The following APOBEC3F variants were observed in gnomAD, a reference collection of about 807,000 sequenced individuals.
APOBEC3F encodes the protein apolipoprotein B mRNA editing enzyme catalytic subunit 3F, also known as DNA dC->dU-editing enzyme APOBEC-3F.
In APOBEC3F, 34 loss-of-function variants were observed where a neutral mutation model predicts 45.8. The ratio of observed to expected loss-of-function variants is 0.74; its 90% CI spans 0.57 to 0.99. APOBEC3F has a LOEUF of 0.99. APOBEC3F is among the 50% of genes least tolerant of loss of function. The pLI is 0.00. For synonymous variants in APOBEC3F, 192 were observed against 174.4 expected (o/e 1.10, Z -0.80); for missense variants, 459 against 474.1 (o/e 0.97, Z 0.30).
intron 4 of APOBEC3F, among the ~76,000 whole-genome samples, chr22:39,047,666 C>T (rs1050718629): frequency 1.3e-5 from 2 of 152,030 alleles, no homozygotes; most frequent in African/African-American, 4.8e-5. Flanking sequence ...AGGCTCTTTG[C>T]CCTGCTATGT....
At chr22:39,040,999 G>A (rs200403999) in intron 1 of APOBEC3F, 22 bp downstream of exon 1, 84 of 1,580,842 alleles carry the variant, frequency 5.3e-5, no homozygotes, top group South Asian at 2.1e-4. Context: ...CGCTCTACCC[G>A]CTGGGCCCCT....
intron 4 of APOBEC3F, among the ~76,000 whole-genome samples, chr22:39,047,896 A>C (rs945418172): frequency 1.3e-5 from 2 of 152,134 alleles, no homozygotes; most frequent in Non-Finnish European, 2.9e-5. Flanking sequence ...CAGCACTTCC[A>C]TGGAATTTCT....
chr22:39,041,603 C>G (rs1459331143), intron 1 of APOBEC3F, among the ~76,000 whole-genome samples: 3 of 152,084 alleles, frequency 2.0e-5, no homozygotes, highest in African/African-American at 4.8e-5. Flanking sequence ...GTGGCTCACA[C>G]CTGTCATCCC....
intron 4 of APOBEC3F, among the ~76,000 whole-genome samples, chr22:39,047,007 C>T (rs911837374): frequency 6.6e-6 from 1 of 152,098 alleles, no homozygotes; most frequent in African/African-American, 2.4e-5. Context: ...GAGGAGCAAA[C>T]TGCAAGACAG....
chr22:39,049,164 T>C (rs984392050), intron 4 of APOBEC3F, among the ~76,000 whole-genome samples: 3 of 152,126 alleles, frequency 2.0e-5, no homozygotes, highest in Non-Finnish European at 4.4e-5. Context: ...ATTTTCCTAA[T>C]GGGTTGGGAG....
chr22:39,045,186 G>A lies in APOBEC3F; in HGVS notation c.417G>A (p.Gln139=). ...GAAGGGCGCTCTGCAGGCTGAGTCA[G>A]GCAGGGGCCCGCGTGAAGATTATGG... ...DYRRALCRLS[Q]AGARVKIMDD... Residue 139 remains glutamine (Q), a synonymous_variant, in exon 3 of 7, where the codon CAG becomes CAA. Transcript: ENST00000308521. 2 of 1,614,170 alleles carry A rather than the reference G, an allele frequency of 1.2e-6. No homozygotes were observed. The highest frequency in any genetic ancestry group is 1.7e-6 in the Non-Finnish European group (2 of 1,180,034).
intron 4 of APOBEC3F, 64 bp downstream of exon 4, chr22:39,045,606 C>A: frequency 1.2e-6 from 2 of 1,608,594 alleles, no homozygotes; most frequent in African/African-American, 1.3e-5. Flanking sequence ...CTCCTGAGGC[C>A]TCCCCTGGCC....
chr22:39,046,982 C>T (rs1475929128), intron 4 of APOBEC3F, among the ~76,000 whole-genome samples: 1 of 152,118 alleles, frequency 6.6e-6, no homozygotes, highest in Non-Finnish European at 1.5e-5. Context: ...AACTGAGCAC[C>T]TGGGTCTTAG....
At chr22:39,047,708 T>C (rs1437192054) in intron 4 of APOBEC3F, among the ~76,000 whole-genome samples, 1 of 151,716 alleles carries the variant, frequency 6.6e-6, no homozygotes, top group East Asian at 1.9e-4. Context: ...GAATGGGCCA[T>C]CTCCCCCACC....
intron 2 of APOBEC3F, chr22:39,044,438 G>T (rs918190223): frequency 1.5e-6 from 2 of 1,322,290 alleles, no homozygotes; most frequent in East Asian, 2.8e-5. Flanking sequence ...TGGCCTCTGG[G>T]AAGTCCACTG....
rs1199478467 is a variant in APOBEC3F at position 39,055,388 on chromosome 22, A to G, written c.*2693A>G. Among the ~76,000 whole-genome samples the G allele has an allele frequency of 1.5e-5, 2 of 136,166 alleles. No individual in the cohort carries two copies. Among genetic ancestry groups the G allele is most frequent in the Non-Finnish European group, 3.1e-5 (2 of 64,810 alleles). 89.3% of individuals were successfully genotyped at this position (136,166 alleles called of 152,430 possible). On this transcript the variant is annotated 3_prime_UTR_variant, in exon 7 of 7. Transcript: ENST00000308521. ...TACACAACTTTTTTTTTTTTTTGAG[A>G]TGGAGTTTCACTCTGTTGCCCAGGC...
chr22:39,048,056 C>T (rs961048084), intron 4 of APOBEC3F, among the ~76,000 whole-genome samples: 5 of 152,214 alleles, frequency 3.3e-5, no homozygotes, highest in African/African-American at 1.2e-4. Context: ...GGCTCCTCCT[C>T]CGTGAGCACC....
Position 39,040,871 on chromosome 22 carries a change from G to T in APOBEC3F, c.-90G>T, listed in dbSNP as rs35898507. 6.7e-3 allele frequency: 10,406 copies of T among 1,550,458 alleles called. 552 individuals carry two copies. The African/African-American group carries it at 0.12, about 18-fold the overall frequency. ...ACGAGGCCCTGGGAGGTCACTTTAG[G>T]GAGGGCTGTCCTGAAACCTGGAGCC... On this transcript the variant is annotated 5_prime_UTR_variant, in exon 1 of 7. Transcript: ENST00000308521.
In APOBEC3F at chr22:39,044,953, C is replaced by A; in HGVS notation, c.184C>A (p.Pro62Thr). ...GCTCCTCTCCCAGGTGTATTCCCAG[C>A]CTGAGCACCACGCAGAAATGTGCTT... ...KIFRGQVYSQ[P>T]EHHAEMCFLS... The change falls in exon 3 of 7, where the codon CCT (proline) becomes ACT (threonine). Residue 62 changes from proline (P) to threonine (T), a missense_variant. By Grantham distance (38) the Pro-to-Thr change is conservative (BLOSUM62 -1). Transcript: ENST00000308521. The A allele has an allele frequency of 6.2e-7, 1 of 1,614,022 alleles. No individual in the cohort carries two copies. Among genetic ancestry groups the A allele is most frequent in the Non-Finnish European group, 8.5e-7 (1 of 1,179,982 alleles).
chr22:39,043,076 A>T lies in APOBEC3F; in HGVS notation c.157A>T (p.Ile53Phe). The part of the protein sequence containing the change: ...GPSRPRLDAK[I>F]FRGQVYSQPE... ...CTCAAGGCCCCGTTTGGACGCAAAG[A>T]TCTTTCGAGGCCAGGTACCACCCGG... Residue 53 changes from isoleucine (I) to phenylalanine (F), a missense_variant, in exon 2 of 7, where the codon ATC (isoleucine) becomes TTC (phenylalanine). By Grantham distance (21) the Ile-to-Phe change is conservative. Transcript: ENST00000308521. 1 of 1,614,152 alleles carries T rather than the reference A, an allele frequency of 6.2e-7. No homozygotes were observed. The highest frequency in any genetic ancestry group is 8.5e-7 in the Non-Finnish European group (1 of 1,180,014).
Position 39,055,736 on chromosome 22 carries a change from A to G in APOBEC3F, c.*3041A>G, listed in dbSNP as rs574259355. ...CGCTTGTTTTATCTAAAGATTCCAG[A>G]CATTGTATGAGGAAGCATTGTGAAA... is the stretch of plus-strand genomic sequence containing the variant. On this transcript the variant is annotated 3_prime_UTR_variant, in exon 7 of 7. Coordinates refer to ENST00000308521, the MANE Select transcript of APOBEC3F (RefSeq NM_145298.6). 4.1e-4 allele frequency among the ~76,000 whole-genome samples: 63 copies of G among 152,256 alleles called. No individual in the cohort carries two copies. The highest frequency in any genetic ancestry group is 7.8e-4 in the Non-Finnish European group (53 of 68,026).
At position 39,052,819 on chromosome 22, in the gene APOBEC3F, G is replaced by C; in HGVS notation, c.*124G>C. ...ATCCTGAGCCCCTCCTGGCCTCAGG[G>C]CCATTCCATAGTGCTCCCCTGCCTC... On this transcript the variant is annotated 3_prime_UTR_variant, in exon 7 of 7. Transcript: ENST00000308521. The C allele has an allele frequency of 6.7e-7, 1 of 1,499,632 alleles. No homozygotes were observed. The highest frequency in any genetic ancestry group is 2.3e-5 in the Admixed American group (1 of 42,762). 92.9% of individuals were successfully genotyped at this position (1,499,632 alleles called of 1,614,324 possible).
chr22:39,045,304 G>A (rs1927156614), intron 3 of APOBEC3F, 84 bp downstream of exon 3: 3 of 1,595,758 alleles, frequency 1.9e-6, no homozygotes, highest in Admixed American at 3.4e-5. Flanking sequence ...GGCTGGGGGT[G>A]TCCCAGGGCA....
At chr22:39,044,911 A>C (rs1569069644) in intron 2 of APOBEC3F, 30 bp from the exon 3 acceptor site, 2 of 1,595,678 alleles carry the variant, frequency 1.3e-6, no homozygotes, top group Non-Finnish European at 1.7e-6. Flanking sequence ...CCCCTCTCAG[A>C]GCATCCCCTG....
Sources: gnomAD v4.1 joint callset for allele counts (sites outside exome capture counted in the v4.1 genomes callset) on GRCh38, gnomAD v4.1.1 for gene constraint, MANE v1.5 for transcripts, NCBI Gene and HGNC (gene_info 2026-07-23, HGNC 2026-07-21) for gene names.